Variants in DPYD observed in about 807,000 individuals in gnomAD.
The protein encoded by DPYD is dihydropyrimidine dehydrogenase.
Under a neutral mutation model 116.2 loss-of-function variants are expected in DPYD, and 109 were observed. That is an observed-to-expected ratio of 0.94 (90% confidence interval 0.80 to 1.10). DPYD has a LOEUF of 1.10. Among genes scored for constraint, DPYD ranks in the 50% least tolerant of loss-of-function variants. The pLI is 0.00. For missense variants in DPYD, 1,302 were observed against 1,254.5 expected, an observed-to-expected ratio of 1.04 and a Z score of -0.57; for synonymous variants, 440 against 432.0, an observed-to-expected ratio of 1.02 and a Z score of -0.23.
At chr1:97,678,012 G>T (rs1660237167) in intron 8 of DPYD, among the ~76,000 whole-genome samples, 2 of 152,122 alleles carry the variant, frequency 1.3e-5, no homozygotes, top group African/African-American at 4.8e-5. Context: ...TATTAAAAAT[G>T]AGTAACAATT....
At chr1:97,261,493 CTTTT>C (rs1210765677) in intron 18 of DPYD, among the ~76,000 whole-genome samples, 2 of 122,486 alleles carry the variant, frequency 1.6e-5, no homozygotes, top group African/African-American at 3.2e-5. Flanking sequence ...GACTATGCAT[CTTTT>C]TTTTTTTTTT....
chr1:97,435,144 A>T (rs975420209), intron 14 of DPYD, among the ~76,000 whole-genome samples: 3 of 151,850 alleles, frequency 2.0e-5, no homozygotes, highest in Admixed American at 6.6e-5. Context: ...GCTCCTTTTT[A>T]AAAAATTGTA....
intron 3 of DPYD, among the ~76,000 whole-genome samples, chr1:97,795,977 T>C (rs1447699522): frequency 6.6e-6 from 1 of 151,994 alleles, no homozygotes; most frequent in Non-Finnish European, 1.5e-5. Context: ...AAAAGATGCC[T>C]CCATTAAAAT....
At chr1:97,091,517 T>G (rs1514494) in intron 21 of DPYD, among the ~76,000 whole-genome samples, 143,783 of 152,198 alleles carry the variant, frequency 0.94, 68,263 homozygotes, top group East Asian at 1. Flanking sequence ...AATGTCTGAT[T>G]CATGTGCAGA....
intron 13 of DPYD, among the ~76,000 whole-genome samples, chr1:97,459,047 A>C (rs1676865153): frequency 6.6e-6 from 1 of 152,158 alleles, no homozygotes; most frequent in African/African-American, 2.4e-5. Context: ...TGGGATTATC[A>C]GATGTAAAAT....
chr1:97,135,541 A>C (rs1462443294), intron 20 of DPYD, among the ~76,000 whole-genome samples: 1 of 152,206 alleles, frequency 6.6e-6, no homozygotes, highest in African/African-American at 2.4e-5. Flanking sequence ...TAAATTTTAA[A>C]AATTTTATTA....
chr1:97,617,537 T>C (rs1656365538), intron 8 of DPYD, among the ~76,000 whole-genome samples: 1 of 152,132 alleles, frequency 6.6e-6, no homozygotes, highest in Non-Finnish European at 1.5e-5. Context: ...CTAGGTCCAG[T>C]GAAAAACACC....
At chr1:97,176,323 T>C (rs1350908532) in intron 20 of DPYD, among the ~76,000 whole-genome samples, 1 of 152,186 alleles carries the variant, frequency 6.6e-6, no homozygotes, top group Non-Finnish European at 1.5e-5. Context: ...CATTCTGCCA[T>C]GAAATCTCTG....
chr1:97,269,033 A>G (rs556854082), intron 18 of DPYD, among the ~76,000 whole-genome samples: 2 of 152,270 alleles, frequency 1.3e-5, no homozygotes, highest in East Asian at 3.9e-4. Context: ...CTGCCACCAT[A>G]TAGCACCTTG....
chr1:97,225,619 C>T (rs981567796), intron 19 of DPYD, among the ~76,000 whole-genome samples: 6 of 141,546 alleles, frequency 4.2e-5, no homozygotes, highest in Admixed American at 3.6e-4. Flanking sequence ...TAAATATTAA[C>T]CCCTTAAAAG....
intron 3 of DPYD, among the ~76,000 whole-genome samples, chr1:97,743,963 A>AT (rs1330159554): frequency 6.6e-6 from 1 of 152,036 alleles, no homozygotes; most frequent in Admixed American, 6.6e-5. Context: ...AGTATATTTG[A>AT]TTTTTTTAAA....
intron 10 of DPYD, among the ~76,000 whole-genome samples, chr1:97,583,022 G>A (rs1046014630): frequency 6.6e-6 from 1 of 152,132 alleles, no homozygotes; most frequent in Admixed American, 6.5e-5. Context: ...AGGCTGGAGT[G>A]CAGGGGTGTG....
At chr1:97,836,586 TA>T (rs1669782657) in intron 2 of DPYD, among the ~76,000 whole-genome samples, 1 of 151,964 alleles carries the variant, frequency 6.6e-6, no homozygotes, top group African/African-American at 2.4e-5. Flanking sequence ...ATACGTTGTT[TA>T]AAAAACAATT....
At chr1:97,138,384 C>A (rs1653961887) in intron 20 of DPYD, among the ~76,000 whole-genome samples, 1 of 152,054 alleles carries the variant, frequency 6.6e-6, no homozygotes, top group South Asian at 2.1e-4. Flanking sequence ...TACCATATGG[C>A]CAGAAGGAAA....
chr1:97,139,338 T>C (rs1557887145), intron 20 of DPYD, among the ~76,000 whole-genome samples: 1 of 152,112 alleles, frequency 6.6e-6, no homozygotes, highest in African/African-American at 2.4e-5. Flanking sequence ...TTTTTGTTCT[T>C]CTGAGAAACA....
At chr1:97,146,904 TTAG>T (rs1334413716) in intron 20 of DPYD, among the ~76,000 whole-genome samples, 3 of 152,126 alleles carry the variant, frequency 2.0e-5, no homozygotes, top group African/African-American at 7.2e-5. Flanking sequence ...TAGGTGAGAA[TTAG>T]TAGAATTTCA....
chr1:97,775,559 C>CT (rs1270437882), intron 3 of DPYD, among the ~76,000 whole-genome samples: 1 of 152,142 alleles, frequency 6.6e-6, no homozygotes, highest in African/African-American at 2.4e-5. Flanking sequence ...ATTGGTTATA[C>CT]TTATTTAACT....
intron 20 of DPYD, among the ~76,000 whole-genome samples, chr1:97,107,534 T>A (rs1258843458): frequency 1.3e-5 from 2 of 152,076 alleles, no homozygotes; most frequent in African/African-American, 4.8e-5. Context: ...AACTGCACCA[T>A]CATCATCACC....
At chr1:97,113,983 T>C (rs1651784677) in intron 20 of DPYD, among the ~76,000 whole-genome samples, 1 of 152,084 alleles carries the variant, frequency 6.6e-6, no homozygotes. Context: ...TCATCATTGT[T>C]AGTAGCCATA....
Sources: allele counts gnomAD v4.1 joint callset (sites outside exome capture counted in the v4.1 genomes callset), GRCh38; gene constraint gnomAD v4.1.1; transcripts MANE v1.5; gene names NCBI Gene and HGNC (gene_info 2026-07-23, HGNC 2026-07-21).